GAPVD1: variants seen among roughly 807,000 people sequenced by gnomAD.
The protein encoded by GAPVD1 is GTPase-activating protein and VPS9 domain-containing protein 1.
A neutral mutation model predicts 155.5 loss-of-function variants in GAPVD1; 35 were observed. That is an observed-to-expected ratio of 0.23 (90% CI 0.17 to 0.30). The LOEUF is 0.30. Ranked by LOEUF, GAPVD1 falls within the 10% of genes least tolerant of loss-of-function variation. The pLI, the probability that GAPVD1 is intolerant of heterozygous loss-of-function variation, is 1.00. For synonymous variants in GAPVD1, 636 were observed against 619.7 expected (o/e 1.03, Z -0.39); for missense variants, 1,429 against 1,775.7 (o/e 0.80, Z 3.51).
intron 2 of GAPVD1, among the ~76,000 whole-genome samples, chr9:125,293,869 TATATATATATATATATATA>T (rs1839255163): frequency 9.4e-5 from 2 of 21,190 alleles, no homozygotes; most frequent in African/African-American, 4.8e-4. Context: ...TATATATATA[TATATATATATATATATATA>T]TATATATATA....
rs1439592035 is a variant in GAPVD1 at position 125,337,430 on chromosome 9, G to C, written c.2716G>C (p.Val906Leu). Residue 906 changes from valine to leucine, a missense_variant, in exon 17 of 28, where the codon GTA becomes CTA. By Grantham distance (32) the Val-to-Leu change is conservative. Around this residue, in one of 4 missense-constraint regions of GAPVD1, gnomAD observed 699 missense variants for 826.0 expected, o/e 0.85. Coordinates refer to ENST00000297933, the MANE Select transcript of GAPVD1 (RefSeq NM_001282680.3). Reference sequence around the variant, plus strand: ...AGTTCGAAGCAGGAGCTCTGATATAGTATCTTCTGTCCGGAGACCCATGAG... The same window carrying C: ...AGTTCGAAGCAGGAGCTCTGATATACTATCTTCTGTCCGGAGACCCATGAG... ...RLVRSRSSDI[V>L]SSVRRPMSDP... is the part of the protein sequence containing the mutation. 19 of 1,614,078 alleles carry C rather than the reference G, an allele frequency of 1.2e-5. No homozygotes were observed. The highest frequency in any genetic ancestry group is 1.5e-5 in the Non-Finnish European group (18 of 1,180,026).
At chr9:125,270,339 G>T (rs570925681) in intron 2 of GAPVD1, among the ~76,000 whole-genome samples, 2 of 152,028 alleles carry the variant, frequency 1.3e-5, no homozygotes, top group Non-Finnish European at 2.9e-5. Context: ...TGAGGCAGGA[G>T]AATTGCTTGA....
At chr9:125,277,611 G>A (rs551107125) in intron 2 of GAPVD1, among the ~76,000 whole-genome samples, 4 of 152,072 alleles carry the variant, frequency 2.6e-5, no homozygotes, top group South Asian at 4.2e-4. Flanking sequence ...GCACATAGGA[G>A]GTATTTAATA....
At chr9:125,337,896 G>A (rs562273086) in intron 17 of GAPVD1, among the ~76,000 whole-genome samples, 30 of 151,854 alleles carry the variant, frequency 2.0e-4, no homozygotes, top group Middle Eastern at 3.4e-3. Flanking sequence ...TGTTTTTTGA[G>A]ATGGAGTCAC....
intron 6 of GAPVD1, 145 bp from the exon 7 acceptor site, chr9:125,307,268 C>CAA (rs34896429): frequency 0.011 from 4,799 of 449,352 alleles, 1 homozygote; most frequent in South Asian, 0.016. Context: ...AACTTTGTCT[C>CAA]AAAAAAAAAA....
rs374662210 is a variant in GAPVD1, at chr9:125,337,441, C to G, written c.2727C>G (p.Val909=). The change falls in exon 17 of 28, where the codon GTC becomes GTG. Residue 909 remains valine (V), a synonymous_variant. Transcript: ENST00000297933. ...GGAGCTCTGATATAGTATCTTCTGT[C>G]CGGAGACCCATGAGTGACCCCAGCT... ...RSRSSDIVSS[V]RRPMSDPSWN... is the part of the protein sequence containing the mutation. The G allele has an allele frequency of 9.9e-5, 159 of 1,614,156 alleles. No individual in the cohort carries two copies. In the Middle Eastern group the frequency reaches 1.6e-3, roughly 17 times the overall value.
intron 14 of GAPVD1, among the ~76,000 whole-genome samples, 159 bp from the exon 15 acceptor site, chr9:125,332,351 A>C (rs1846216599): frequency 1.3e-5 from 2 of 152,216 alleles, no homozygotes; most frequent in Admixed American, 1.3e-4. Flanking sequence ...AGGTAAGTAT[A>C]TTTAAGCAGT....
chr9:125,349,547 T>C (rs1309450195), intron 21 of GAPVD1, 28 bp downstream of exon 21: 5 of 1,607,328 alleles, frequency 3.1e-6, no homozygotes, highest in East Asian at 2.2e-5. Flanking sequence ...TTTGGGACTT[T>C]AGGGTTTGGA....
intron 2 of GAPVD1, among the ~76,000 whole-genome samples, chr9:125,294,540 G>C (rs894261712): frequency 4.7e-4 from 70 of 150,266 alleles, no homozygotes; most frequent in African/African-American, 1.5e-3. Flanking sequence ...TAGAGACGGG[G>C]TTTCACCATG....
Position 125,337,027 on chromosome 9 carries a change from A to G in GAPVD1, c.2438A>G (p.Gln813Arg). The G allele has an allele frequency of 6.2e-7, 1 of 1,609,826 alleles. No homozygotes were observed. Among genetic ancestry groups the G allele is most frequent in the Non-Finnish European group, 8.5e-7 (1 of 1,176,158 alleles). The change falls in exon 16 of 28, where the codon CAG (glutamine) becomes CGG (arginine). Residue 813 changes from glutamine (Q) to arginine (R), a missense_variant. Gln to Arg is a conservative substitution (Grantham distance 43, BLOSUM62 1). Coordinates refer to ENST00000297933, the MANE Select transcript of GAPVD1 (RefSeq NM_001282680.3). ...TTCCCTCCTGTTTTAGGTGCCCACCAGCTGACCTCTCCTCCTTCTCAGTCA... is the reference window on the plus strand; with the variant it reads ...TTCCCTCCTGTTTTAGGTGCCCACCGGCTGACCTCTCCTCCTTCTCAGTCA... ...DMDEITHGAH[Q>R]LTSPPSQSES...
In GAPVD1 at chr9:125,324,916, G is replaced by A. The variant is rs149222245; in HGVS notation, c.1858+993G>A. Among the ~76,000 whole-genome samples the A allele has an allele frequency of 1.2e-3, 188 of 151,986 alleles. 1 individual carries two copies. Among genetic ancestry groups the A allele is most frequent in the African/African-American group, 4.3e-3 (178 of 41,500 alleles). On this transcript the variant is annotated intron_variant, in intron 11 of 27. Transcript: ENST00000297933. ...AAGATTAAGTTGAAAGAGTTTTTTG[G>A]ATTTGTTCATTTAAGATGATGCCCT...
At chr9:125,281,047 C>T (rs1261578808) in intron 2 of GAPVD1, among the ~76,000 whole-genome samples, 1 of 152,036 alleles carries the variant, frequency 6.6e-6, no homozygotes, top group Non-Finnish European at 1.5e-5. Context: ...CATGAAGTTT[C>T]TGTGTTTCAT....
At chr9:125,325,435 T>C (rs902731621) in intron 11 of GAPVD1, among the ~76,000 whole-genome samples, 2 of 141,810 alleles carry the variant, frequency 1.4e-5, no homozygotes, top group African/African-American at 5.3e-5. Context: ...GGCAGGAGAA[T>C]GGCCTGAACC....
intron 1 of GAPVD1, among the ~76,000 whole-genome samples, chr9:125,266,827 C>G (rs1834057548): frequency 1.3e-5 from 2 of 152,070 alleles, no homozygotes; most frequent in Non-Finnish European, 1.5e-5. Context: ...GTGGCGCCAT[C>G]TCAAGTCACT....
chr9:125,329,871 G>A (rs573823435), intron 12 of GAPVD1, among the ~76,000 whole-genome samples: 2 of 152,214 alleles, frequency 1.3e-5, no homozygotes, highest in East Asian at 1.9e-4. Flanking sequence ...CAGTAGAGAC[G>A]GGGTTTCGCC....
chr9:125,320,512 A>G (rs573499198), intron 9 of GAPVD1, among the ~76,000 whole-genome samples: 49 of 152,236 alleles, frequency 3.2e-4, no homozygotes, highest in Non-Finnish European at 5.1e-4. Flanking sequence ...CTTGATGCCT[A>G]CAAAATAACA....
chr9:125,263,844 CG>C, intron 1 of GAPVD1: 4 of 1,218,380 alleles, frequency 3.3e-6, no homozygotes, highest in East Asian at 2.3e-5. Context: ...GTACAGTCTC[CG>C]GGGGGCAGAT....
At chr9:125,335,917 C>T (rs950397391) in intron 15 of GAPVD1, among the ~76,000 whole-genome samples, 1 of 151,952 alleles carries the variant, frequency 6.6e-6, no homozygotes, top group African/African-American at 2.4e-5. Flanking sequence ...CTTTGAGAGG[C>T]AGAGGCAGGA....
At chr9:125,297,186 C>T (rs1296644974) in intron 3 of GAPVD1, among the ~76,000 whole-genome samples, 1 of 152,128 alleles carries the variant, frequency 6.6e-6, no homozygotes, top group African/African-American at 2.4e-5. Context: ...TTCATTTATT[C>T]CTTTGGCAAA....
Sources: gnomAD v4.1 joint callset for allele counts (sites outside exome capture counted in the v4.1 genomes callset) on GRCh38, gnomAD v4.1.1 for gene constraint, gnomAD v4.1.1 regional missense constraint, MANE v1.5 for transcripts, NCBI Gene and HGNC (gene_info 2026-07-23, HGNC 2026-07-21) for gene names.